The following SRGAP1 variants were observed in gnomAD, a reference collection of about 807,000 sequenced individuals.
SRGAP1 encodes SLIT-ROBO Rho GTPase activating protein 1, also known as SLIT-ROBO Rho GTPase-activating protein 1.
A neutral mutation model predicts 121.9 loss-of-function variants in SRGAP1; 43 were observed. The ratio of observed to expected loss-of-function variants is 0.35; its 90% CI spans 0.28 to 0.46. The LOEUF (loss-of-function observed/expected upper bound fraction) is 0.46, where lower values mean the gene tolerates loss of function less well. Among genes scored for constraint, SRGAP1 ranks in the 20% least tolerant of loss-of-function variants. The pLI is 1.00. For synonymous variants in SRGAP1, 447 were observed against 485.4 expected, an observed-to-expected ratio of 0.92 and a Z score of 1.04; for missense variants, 1,102 against 1,350.9, an observed-to-expected ratio of 0.82 and a Z score of 2.89.
chr12:63,956,720 C>CTTTTT lies in SRGAP1; in HGVS notation c.68-27211_68-27207dup, dbSNP rs3067620. 2.0e-3 allele frequency among the ~76,000 whole-genome samples: 195 copies of CTTTTT among 96,930 alleles called. 1 individual carries two copies. The highest frequency in any genetic ancestry group is 8.1e-3 in the Middle Eastern group (1 of 124). 63.6% of individuals were successfully genotyped at this position (96,930 alleles called of 152,430 possible). A position where few individuals can be genotyped will look rare whatever the true frequency, so the allele number is the denominator to read the frequency against. On this transcript the variant is annotated intron_variant, in intron 1 of 21. Transcript: ENST00000355086. Reference sequence around the variant, plus strand: ...GCTTGTTGATGATCAGTAAGCAAGGCTTTTTTTTTTTTTTTTTTTTGCAGC... The same window carrying CTTTTT: ...GCTTGTTGATGATCAGTAAGCAAGGCTTTTTTTTTTTTTTTTTTTTTTTTTGCAGC...
At chr12:64,080,179 G>T in intron 9 of SRGAP1, 107 bp from the exon 10 acceptor site, 1 of 806,364 alleles carries the variant, frequency 1.2e-6, no homozygotes, top group Non-Finnish European at 1.9e-6. Flanking sequence ...AGAGGAAGAG[G>T]TTGCAGTGAG....
At chr12:64,141,836 AGCTACTCAGGAG>A (rs1373324802) in intron 21 of SRGAP1, among the ~76,000 whole-genome samples, 3 of 152,032 alleles carry the variant, frequency 2.0e-5, no homozygotes, top group East Asian at 1.9e-4. Flanking sequence ...CTGTGGTCCC[AGCTACTCAGGAG>A]GCTACTCAGG....
chr12:63,887,685 G>A (rs1900435870), intron 1 of SRGAP1: 1 of 152,198 alleles, frequency 6.6e-6, no homozygotes, highest in Non-Finnish European at 1.5e-5. Flanking sequence ...AAAAGGTTTT[G>A]TCTAGCCTCC....
intron 1 of SRGAP1, among the ~76,000 whole-genome samples, chr12:63,932,386 C>T (rs57220531): frequency 0.022 from 3,285 of 152,194 alleles, 46 homozygotes; most frequent in African/African-American, 0.031. Flanking sequence ...GTCTTTAGAT[C>T]GTCTAAACTT....
At chr12:63,899,597 C>A (rs1424401855) in intron 1 of SRGAP1, among the ~76,000 whole-genome samples, 2 of 152,160 alleles carry the variant, frequency 1.3e-5, no homozygotes, top group Admixed American at 6.5e-5. Context: ...TTGGTTAACA[C>A]CTCCGCGTTT....
intron 1 of SRGAP1, among the ~76,000 whole-genome samples, chr12:63,904,374 C>T (rs1377174918): frequency 6.6e-6 from 1 of 152,212 alleles, no homozygotes; most frequent in Non-Finnish European, 1.5e-5. Context: ...GTGCTCTATT[C>T]TCTCTTCCTG....
In SRGAP1 at chr12:63,990,082, A is replaced by G. The variant is rs770841629; in HGVS notation, c.426+10A>G. The G allele has an allele frequency of 2.5e-6, 4 of 1,590,026 alleles. No individual in the cohort carries two copies. The highest frequency in any genetic ancestry group is 1.3e-5 in the African/African-American group (1 of 74,318). ...CAGGATGTTTAAAAAGGTACACTCC[A>G]TAAATCCTGCCATAGTGTGCTTTCC... On this transcript the variant is annotated intron_variant, in intron 3 of 21. Transcript: ENST00000355086.
At chr12:63,872,434 G>C (rs1474457291) in intron 1 of SRGAP1, among the ~76,000 whole-genome samples, 1 of 152,204 alleles carries the variant, frequency 6.6e-6, no homozygotes, top group East Asian at 1.9e-4. Flanking sequence ...CCACGGTCTA[G>C]TTGAAAGAGG....
At chr12:63,897,962 A>T (rs1051226620) in intron 1 of SRGAP1, among the ~76,000 whole-genome samples, 8 of 152,200 alleles carry the variant, frequency 5.3e-5, no homozygotes, top group Admixed American at 2.0e-4. Flanking sequence ...AAACACTGAG[A>T]ATAAGAAAGC....
intron 6 of SRGAP1, among the ~76,000 whole-genome samples, chr12:64,061,402 G>A (rs1044506271): frequency 6.6e-6 from 1 of 152,126 alleles, no homozygotes; most frequent in African/African-American, 2.4e-5. Flanking sequence ...AAATATTGTA[G>A]TTAGTGTATT....
At chr12:63,912,622 GA>G (rs111982523) in intron 1 of SRGAP1, among the ~76,000 whole-genome samples, 34 of 149,112 alleles carry the variant, frequency 2.3e-4, no homozygotes, top group African/African-American at 3.0e-4. Context: ...TTAAAAGAAA[GA>G]AAAAAAAAAT....
rs533427764 is a variant in SRGAP1 at position 64,159,971 on chromosome 12, C to G, written c.*17299C>G. 19 of 152,260 alleles carry G rather than the reference C, an allele frequency of 1.2e-4. No homozygotes were observed. The East Asian group carries it at 3.7e-3, about 29-fold the overall frequency. 9.4% of individuals were successfully genotyped at this position (152,260 alleles called of 1,614,324 possible). ...TTCTTTTCCCTGGAGTTCATAATTA[C>G]CTTTGTTTCATTTGCTTAGCTTTCT... is the stretch of plus-strand genomic sequence containing the variant. On this transcript the variant is annotated 3_prime_UTR_variant, in exon 22 of 22. Transcript: ENST00000355086.
At chr12:64,074,544 T>G (rs2035699754) in intron 8 of SRGAP1, among the ~76,000 whole-genome samples, 1 of 152,186 alleles carries the variant, frequency 6.6e-6, no homozygotes, top group African/African-American at 2.4e-5. Flanking sequence ...CTTTTCCCAC[T>G]TTTTCCTCTG....
chr12:63,981,330 T>C (rs2033239021), intron 1 of SRGAP1, among the ~76,000 whole-genome samples: 1 of 152,148 alleles, frequency 6.6e-6, no homozygotes, highest in Non-Finnish European at 1.5e-5. Context: ...TTATCTTTTA[T>C]TTCTTACTTG....
At chr12:64,126,764 T>C (rs2036693598) in intron 19 of SRGAP1, among the ~76,000 whole-genome samples, 1 of 152,134 alleles carries the variant, frequency 6.6e-6, no homozygotes, top group African/African-American at 2.4e-5. Flanking sequence ...AATGTTAAAA[T>C]GTGTATCTCG....
rs1389293334 is a variant in SRGAP1 at position 64,156,112 on chromosome 12, A to G, written c.*13440A>G. 6.6e-6 allele frequency: 1 copy of G among 152,252 alleles called. No individual in the cohort carries two copies. The highest frequency in any genetic ancestry group is 1.9e-4 in the East Asian group (1 of 5,206). The allele number at this position is 152,252 out of a possible 1,614,324, so 9.4% of individuals were successfully genotyped here. A position where few individuals can be genotyped will look rare whatever the true frequency, so the allele number is the denominator to read the frequency against. On this transcript the variant is annotated 3_prime_UTR_variant, in exon 22 of 22. Coordinates refer to ENST00000355086, the MANE Select transcript of SRGAP1 (RefSeq NM_020762.4). ...TCACACAGCTAACAATTGAGCCAGT[A>G]TCTGGACCTAGATCTATTGCCTACA... is the stretch of plus-strand genomic sequence containing the variant.
intron 6 of SRGAP1, among the ~76,000 whole-genome samples, chr12:64,055,375 C>T (rs1212867859): frequency 6.6e-6 from 1 of 150,784 alleles, no homozygotes; most frequent in Admixed American, 6.6e-5. Context: ...AATGGAAGAA[C>T]ATTCCATGCT....
intron 1 of SRGAP1, among the ~76,000 whole-genome samples, chr12:63,928,384 AG>A (rs1400200720): frequency 6.6e-6 from 1 of 152,256 alleles, no homozygotes; most frequent in East Asian, 1.9e-4. Flanking sequence ...AAATGTTTAT[AG>A]CAGCCTTATT....
chr12:64,072,149 G>GTGTGTGTGTGTGTGTGT (rs1159654414), intron 8 of SRGAP1, among the ~76,000 whole-genome samples: 1 of 18,400 alleles, frequency 5.4e-5, no homozygotes, highest in African/African-American at 1.1e-4. Context: ...TGTGTGTGTG[G>GTGTGTGTGTGTGTGTGT]GCGGCGGGGG....
Sources: gnomAD v4.1 joint callset for allele counts (sites outside exome capture counted in the v4.1 genomes callset) on GRCh38, gnomAD v4.1.1 for gene constraint, MANE v1.5 for transcripts, NCBI Gene and HGNC (gene_info 2026-07-23, HGNC 2026-07-21) for gene names.